Variants in AARS2 observed in about 807,000 individuals in gnomAD.
The protein encoded by AARS2 is alanyl-tRNA synthetase 2, mitochondrial.
Under a neutral mutation model 119.7 loss-of-function variants are expected in AARS2, and 78 were observed. That is an observed-to-expected ratio of 0.65 (90% CI 0.54 to 0.79). AARS2 has a LOEUF of 0.79. AARS2 is among the 30% of genes least tolerant of loss of function. AARS2 has a pLI of 0.00. For synonymous variants in AARS2, 502 were observed against 526.3 expected (o/e 0.95, Z 0.63); for missense variants, 1,157 against 1,291.3 (o/e 0.90, Z 1.59).
At chr6:44,302,010 A>G in intron 19 of AARS2, 50 bp downstream of exon 19, 1 of 1,584,668 alleles carries the variant, frequency 6.3e-7, no homozygotes. Flanking sequence ...TTCTCAGTGT[A>G]TCTGCTGGAG....
At position 44,305,569 on chromosome 6, in the gene AARS2, A is replaced by G; in HGVS notation, c.1434+84T>C. The G allele has an allele frequency of 1.9e-6, 3 of 1,595,652 alleles. No individual in the cohort carries two copies. Among genetic ancestry groups the G allele is most frequent in the Non-Finnish European group, 2.6e-6 (3 of 1,166,146 alleles). On this transcript the variant is annotated intron_variant, in intron 10 of 21. Coordinates refer to ENST00000244571, the MANE Select transcript of AARS2 (RefSeq NM_020745.4). This position sits in a 1 kb window ranked among gnomAD's most constrained non-coding sequence, Gnocchi z 4.6. The stretch of plus-strand genomic sequence containing the variant: ...TATCTCAGCCTCTTGATTCCTCTCA[A>G]TATTCACAGCTCCTCCCCCAGGAGC...
chr6:44,310,254 G>A, intron 5 of AARS2, 45 bp downstream of exon 5: 3 of 1,557,822 alleles, frequency 1.9e-6, no homozygotes, highest in Non-Finnish European at 2.6e-6. Flanking sequence ...GCTGAGGGCT[G>A]TGAAGAGCAG....
At position 44,298,813 on chromosome 6, in the gene AARS2, C is replaced by G. The variant is rs950759431; in HGVS notation, c.*1734G>C. On this transcript the variant is annotated 3_prime_UTR_variant, in exon 22 of 22. Coordinates refer to ENST00000244571, the MANE Select transcript of AARS2 (RefSeq NM_020745.4). ...ATGGATCCCCTGAGGCCCTTTCCTT[C>G]ATCTAGCAACAGAGATCTAGGAACA... Among the ~76,000 whole-genome samples the G allele has an allele frequency of 4.6e-5, 7 of 152,198 alleles. No individual in the cohort carries two copies. The highest frequency in any genetic ancestry group is 8.8e-5 in the Non-Finnish European group (6 of 68,042).
intron 17 of AARS2, 70 bp from the exon 18 acceptor site, chr6:44,302,583 T>C: frequency 6.2e-7 from 1 of 1,606,710 alleles, no homozygotes; most frequent in Non-Finnish European, 8.5e-7. Flanking sequence ...AACTCATTAC[T>C]GGTCAGGGAC....
At position 44,311,482 on chromosome 6, in the gene AARS2, A is replaced by G. The variant is rs748815674; in HGVS notation, c.489T>C (p.Pro163=). 1 of 1,613,240 alleles carries G rather than the reference A, an allele frequency of 6.2e-7. No individual in the cohort carries two copies. Among genetic ancestry groups the G allele is most frequent in the East Asian group, 2.2e-5 (1 of 44,820 alleles). The change falls in exon 3 of 22, where the codon CCT becomes CCC. Residue 163 remains proline (P), a synonymous_variant. Coordinates refer to ENST00000244571, the MANE Select transcript of AARS2 (RefSeq NM_020745.4). ...WELLTQVYGI[P]EERLWISYFD... is the part of the protein sequence containing the mutation. The stretch of plus-strand genomic sequence containing the variant: ...AGTAGGAGATCCAGAGCCTTTCCTC[A>G]GGGATCCCATAGACCTGAGTCAGCA...
At position 44,307,129 on chromosome 6, in the gene AARS2, A is replaced by G; in HGVS notation, c.1041-98T>C. ...AGGTCCAGTGTGTGCTCCCACCTCA[A>G]AGCTCTCCCTCTCCCCATTCCTCCT... On this transcript the variant is annotated intron_variant, in intron 6 of 21. Transcript: ENST00000244571. The surrounding 1 kb of genome is among the most constrained non-coding windows in gnomAD (Gnocchi z 4.4). The G allele has an allele frequency of 6.3e-7, 1 of 1,589,100 alleles. No individual in the cohort carries two copies. Among genetic ancestry groups the G allele is most frequent in the Non-Finnish European group, 8.6e-7 (1 of 1,163,050 alleles).
intron 21 of AARS2, chr6:44,300,950 G>A: frequency 1.4e-6 from 1 of 711,970 alleles, no homozygotes; most frequent in South Asian, 1.8e-5. Context: ...GAGGGGTTAG[G>A]AATTAAGGAA....
Position 44,300,360 on chromosome 6 carries a change from C to T in AARS2, c.*187G>A, listed in dbSNP as rs2153353291. 5.4e-6 allele frequency: 4 copies of T among 747,490 alleles called. No homozygotes were observed. Among genetic ancestry groups the T allele is most frequent in the Middle Eastern group, 3.7e-4 (1 of 2,690 alleles). The allele number at this position is 747,490 out of a possible 1,614,324, so 46.3% of individuals were successfully genotyped here. On this transcript the variant is annotated 3_prime_UTR_variant, in exon 22 of 22. Transcript: ENST00000244571. Reference sequence around the variant, plus strand: ...ACCAAGGGGGTGTGTGTCTTTGGGCCCAGTTCTGCCTTCCCTAGCCCATGT... The same window carrying T: ...ACCAAGGGGGTGTGTGTCTTTGGGCTCAGTTCTGCCTTCCCTAGCCCATGT...
In AARS2 at chr6:44,302,161, T is replaced by C. The variant is rs1785411483; in HGVS notation, c.2497A>G (p.Thr833Ala). 1.9e-6 allele frequency: 3 copies of C among 1,614,060 alleles called. No individual in the cohort carries two copies. The highest frequency in any genetic ancestry group is 1.6e-4 in the Middle Eastern group (1 of 6,062). ...CGCTGCCACTGGGGCATCACAGCAGTTTCCACAGCCTATGGCCAGAAGCAG... is the reference window on the plus strand; with the variant it reads ...CGCTGCCACTGGGGCATCACAGCAGCTTCCACAGCCTATGGCCAGAAGCAG... ...DIGRLIEAVE[T>A]AVMPQWQRRE... The change falls in exon 19 of 22, where the codon ACT becomes GCT. Residue 833 changes from threonine to alanine, a missense_variant. Transcript: ENST00000244571.
Position 44,311,007 on chromosome 6 carries a change from T to C in AARS2, c.736A>G (p.Met246Val), listed in dbSNP as rs1487482795. The part of the protein sequence containing the change: ...QLVELWNLVF[M>V]QHNREADGSL... The stretch of plus-strand genomic sequence containing the variant: ...GCACCCTATTACCTGTTGTGTTGCA[T>C]GAAGACCAGGTTCCAAAGCTCTACC... Residue 246 changes from methionine (M) to valine (V), a missense_variant, in exon 4 of 22, where the codon ATG becomes GTG. Coordinates refer to ENST00000244571, the MANE Select transcript of AARS2 (RefSeq NM_020745.4). 1 of 1,613,990 alleles carries C rather than the reference T, an allele frequency of 6.2e-7. No individual in the cohort carries two copies. The highest frequency in any genetic ancestry group is 8.5e-7 in the Non-Finnish European group (1 of 1,180,048).
Position 44,304,309 on chromosome 6 carries a change from C to G in AARS2, c.1879G>C (p.Gly627Arg). 1.2e-6 allele frequency: 2 copies of G among 1,614,204 alleles called. No homozygotes were observed. The highest frequency in any genetic ancestry group is 1.7e-6 in the Non-Finnish European group (2 of 1,180,032). ...QLHVDEAWRLGCMAKHTATHL... is the reference protein window; with the variant it reads ...QLHVDEAWRLRCMAKHTATHL... The stretch of plus-strand genomic sequence containing the variant: ...GTGGCCGTATGCTTCGCCATGCAGC[C>G]TAGACGCCAGGCCTGAAATACTTTT... Residue 627 changes from glycine (G) to arginine (R), a missense_variant, in exon 14 of 22, where the codon GGC becomes CGC. Coordinates refer to ENST00000244571, the MANE Select transcript of AARS2 (RefSeq NM_020745.4).
chr6:44,306,666 G>A (rs1289921066), intron 7 of AARS2, 134 bp from the exon 8 acceptor site: 1 of 1,146,478 alleles, frequency 8.7e-7, no homozygotes, highest in African/African-American at 1.5e-5. Flanking sequence ...GGACTCAAAT[G>A]GGGAACTGGT....
In AARS2 at chr6:44,302,427, T is replaced by G; in HGVS notation, c.2451A>C (p.Ala817=). Residue 817 remains alanine, a synonymous_variant, in exon 18 of 22, where the codon GCA becomes GCC. Coordinates refer to ENST00000244571, the MANE Select transcript of AARS2 (RefSeq NM_020745.4). ...GTCCTATGTCCTTGGACAGCCTCAG[T>G]GCCTCCGCCACATCCCGGCTCCCCA... ...LSLGSRDVAE[A]LRLSKDIGRL... The G allele has an allele frequency of 3.1e-6, 5 of 1,614,114 alleles. No homozygotes were observed. Among genetic ancestry groups the G allele is most frequent in the Non-Finnish European group, 3.4e-6 (4 of 1,180,012 alleles).
At chr6:44,312,343 G>A (rs1390683840) in intron 1 of AARS2, 80 bp from the exon 2 acceptor site, 4 of 1,450,700 alleles carry the variant, frequency 2.8e-6, no homozygotes, top group Non-Finnish European at 1.9e-6. Context: ...TGAGGATAGG[G>A]ATGGCTGTTC....
At position 44,300,569 on chromosome 6, in the gene AARS2, G is replaced by T; in HGVS notation, c.2936C>A (p.Thr979Asn). ...DLEAALSIAQ[T>N]YALSQL ...GGGTCAGAGCTGGCTGAGGGCATAG[G>T]TTTGGGCTATACTGAGGGCAGCTTC... Residue 979 changes from threonine to asparagine, a missense_variant, in exon 22 of 22, where the codon ACC becomes AAC. Coordinates refer to ENST00000244571, the MANE Select transcript of AARS2 (RefSeq NM_020745.4). The T allele has an allele frequency of 6.2e-7, 1 of 1,614,094 alleles. No individual in the cohort carries two copies. The highest frequency in any genetic ancestry group is 1.3e-5 in the African/African-American group (1 of 75,058).
At chr6:44,303,447 A>G (rs199629304) in intron 14 of AARS2, 24 bp from the exon 15 acceptor site, 294 of 1,613,664 alleles carry the variant, frequency 1.8e-4, no homozygotes, top group Non-Finnish European at 2.3e-4. Flanking sequence ...GAGGAAATGG[A>G]AAGACCAACA....
At chr6:44,301,558 C>T (rs1785360324) in intron 19 of AARS2, 94 bp from the exon 20 acceptor site, 1 of 1,199,346 alleles carries the variant, frequency 8.3e-7, no homozygotes, top group African/African-American at 1.5e-5. Flanking sequence ...TGAGCAATCC[C>T]CTGCTTCCCC....
In AARS2 at chr6:44,302,457, C is replaced by G; in HGVS notation, c.2421G>C (p.Leu807=). Residue 807 remains leucine (L), a synonymous_variant, in exon 18 of 22, where the codon CTG becomes CTC. Transcript: ENST00000244571. ...CCGCCACATCCCGGCTCCCCAGACT[C>G]AGCCGCTCAGTGGCCGCTTTCACTT... The part of the protein sequence containing the change: ...AQEVKAATER[L]SLGSRDVAEA... The G allele has an allele frequency of 6.2e-7, 1 of 1,614,164 alleles. No individual in the cohort carries two copies. The highest frequency in any genetic ancestry group is 2.2e-5 in the East Asian group (1 of 44,884).
rs761385119 is a variant in AARS2, at chr6:44,311,078, G to A, written c.665C>T (p.Thr222Ile). The change falls in exon 4 of 22, where the codon ACT becomes ATT. Residue 222 changes from threonine to isoleucine, a missense_variant. Transcript: ENST00000244571. ...MGDTGPCGPC[T>I]EIHYDLAGGV... The stretch of plus-strand genomic sequence containing the variant: ...ACCAGCAAGGTCGTAGTGGATCTCA[G>A]TACAGGGCCCACAAGGGCCAGTATC... 5 of 1,613,962 alleles carry A rather than the reference G, an allele frequency of 3.1e-6. No homozygotes were observed. Among genetic ancestry groups the A allele is most frequent in the African/African-American group, 1.3e-5 (1 of 74,916 alleles).
Sources: allele counts gnomAD v4.1 joint callset (sites outside exome capture counted in the v4.1 genomes callset), GRCh38; gene constraint gnomAD v4.1.1; non-coding constraint Gnocchi (gnomAD v3.1); transcripts MANE v1.5; gene names NCBI Gene and HGNC (gene_info 2026-07-23, HGNC 2026-07-21).